The following RYR3 variants were observed in gnomAD, a reference collection of about 807,000 sequenced individuals.
RYR3 encodes the protein brain ryanodine receptor-calcium release channel.
Under a neutral mutation model 584.3 loss-of-function variants are expected in RYR3, and 207 were observed. The observed-to-expected ratio is 0.35, with a 90% CI of 0.32 to 0.40. The LOEUF (loss-of-function observed/expected upper bound fraction) is 0.40. RYR3 is among the 10% of genes least tolerant of loss of function. RYR3 has a pLI of 1.00. For synonymous variants in RYR3, 2,416 were observed against 2,248.5 expected (o/e 1.07, Z -2.11); for missense variants, 5,616 against 6,089.2 (o/e 0.92, Z 2.59).
In RYR3 at chr15:33,854,406, T is replaced by C. The variant is rs1377552182; in HGVS notation, c.13817T>C (p.Met4606Thr). 2 of 1,575,102 alleles carry C rather than the reference T, an allele frequency of 1.3e-6. No individual in the cohort carries two copies. Among genetic ancestry groups the C allele is most frequent in the Middle Eastern group, 1.7e-4 (1 of 6,018 alleles). Residue 4606 changes from methionine to threonine, a missense_variant, in exon 97 of 104, where the codon ATG becomes ACG. Around this residue, in one of 9 missense-constraint regions of RYR3, gnomAD observed 918 missense variants for 887.4 expected, o/e 1.03. Coordinates refer to ENST00000634891, the MANE Select transcript of RYR3 (RefSeq NM_001036.6). ...TTCTCTAGGCTAAGTTCCATAGACA[T>C]GAAGTACCATATCTGGAAGCTTGGA... ...SLVSWLSSID[M>T]KYHIWKLGVV... is the part of the protein sequence containing the mutation.
chr15:33,543,641 T>C lies in RYR3; in HGVS notation c.666T>C (p.His222=), dbSNP rs748965632. 6.2e-7 allele frequency: 1 copy of C among 1,609,952 alleles called. No individual in the cohort carries two copies. The highest frequency in any genetic ancestry group is 8.5e-7 in the Non-Finnish European group (1 of 1,176,316). ...SIEEGYLLGG[H]VVRLFHGHDE... Reference sequence around the variant, plus strand: ...TTACAGGATACCTACTTGGTGGGCATGTAGTACGTCTTTTCCATGGTCATG... The same window carrying C: ...TTACAGGATACCTACTTGGTGGGCACGTAGTACGTCTTTTCCATGGTCATG... Residue 222 remains histidine, a synonymous_variant, in exon 8 of 104, where the codon CAT becomes CAC. Coordinates refer to ENST00000634891, the MANE Select transcript of RYR3 (RefSeq NM_001036.6).
intron 11 of RYR3, among the ~76,000 whole-genome samples, chr15:33,563,867 A>T (rs564432271): frequency 6.6e-6 from 1 of 152,286 alleles, no homozygotes; most frequent in African/African-American, 2.4e-5. Context: ...GGGAAATGAA[A>T]TGATCAAGAG....
Position 33,845,006 on chromosome 15 carries a change from GCCATCATCCATA to G in RYR3, c.13450_13461del (p.His4484_Ile4487del). 1 of 1,613,970 alleles carries G rather than the reference GCCATCATCCATA, an allele frequency of 6.2e-7. No homozygotes were observed. Among genetic ancestry groups the G allele is most frequent in the Non-Finnish European group, 8.5e-7 (1 of 1,179,890 alleles). On this transcript the variant is annotated inframe_deletion, in exon 93 of 104. Coordinates refer to ENST00000634891, the MANE Select transcript of RYR3 (RefSeq NM_001036.6). ...TATGGCACCAACCCTGCGTGCCCTG[GCCATCATCCATA>G]CCATCATCTCTCTAGTCTGTGTGGT...
intron 69 of RYR3, among the ~76,000 whole-genome samples, chr15:33,806,543 T>A (rs1178474256): frequency 6.6e-6 from 1 of 151,518 alleles, no homozygotes; most frequent in Admixed American, 6.6e-5. Flanking sequence ...CACCACCAAA[T>A]TTTTAAAAGC....
intron 1 of RYR3, among the ~76,000 whole-genome samples, chr15:33,330,877 C>T (rs1970299668): frequency 6.6e-6 from 1 of 152,102 alleles, no homozygotes. Context: ...TCTTAAGCCA[C>T]CCATTTAGCA....
At position 33,460,940 on chromosome 15, in the gene RYR3, C is replaced by CTTTT. The variant is rs66742049; in HGVS notation, c.52-12460_52-12457dup. On this transcript the variant is annotated intron_variant, in intron 1 of 103. Coordinates refer to ENST00000634891, the MANE Select transcript of RYR3 (RefSeq NM_001036.6). ...GGAATTTGTGGCACATAATATCCAC[C>CTTTT]TTTTTTTTTTTTTTTTTTTTTTAAG... Among the ~76,000 whole-genome samples the CTTTT allele has an allele frequency of 3.2e-3, 252 of 79,194 alleles. 19 individuals carry two copies. Among genetic ancestry groups the CTTTT allele is most frequent in the African/African-American group, 0.012 (208 of 17,456 alleles). 52.0% of individuals were successfully genotyped at this position (79,194 alleles called of 152,430 possible). A position where few individuals can be genotyped will look rare whatever the true frequency, so the allele number is the denominator to read the frequency against.
chr15:33,760,682 T>G (rs140498401), intron 60 of RYR3, among the ~76,000 whole-genome samples: 3,491 of 151,892 alleles, frequency 0.023, 67 homozygotes, highest in East Asian at 0.086. Flanking sequence ...ACTGTCAATA[T>G]TAGATCAACG....
chr15:33,660,338 G>C lies in RYR3; in HGVS notation c.4537G>C (p.Glu1513Gln). 2 of 1,591,988 alleles carry C rather than the reference G, an allele frequency of 1.3e-6. No individual in the cohort carries two copies. Among genetic ancestry groups the C allele is most frequent in the Middle Eastern group, 3.3e-4 (2 of 6,042 alleles). ...MPNSFLKVET[E>Q]RVSERHGWVV... ...CAACAGCTTCCTGAAGGTGGAGACC[G>C]AGCGTGTGAGCGAGCGCCACGGCTG... Residue 1513 changes from glutamate to glutamine, a missense_variant, in exon 34 of 104, where the codon GAG becomes CAG. Glu to Gln is a conservative substitution (Grantham distance 29, BLOSUM62 2). This residue lies in a region of RYR3 where 753 missense variants were observed against 741.0 expected (regional missense o/e 1.02). Transcript: ENST00000634891.
chr15:33,693,303 G>C (rs952395), intron 38 of RYR3, among the ~76,000 whole-genome samples: 23,511 of 152,196 alleles, frequency 0.15, 2,298 homozygotes, highest in Admixed American at 0.31. Flanking sequence ...CCATGCCTGC[G>C]CCACCACTCC....
chr15:33,387,616 A>C (rs1473540645), intron 1 of RYR3, among the ~76,000 whole-genome samples: 1 of 152,056 alleles, frequency 6.6e-6, no homozygotes, highest in Non-Finnish European at 1.5e-5. Context: ...AAATCTGAAA[A>C]ATGAAGAAAA....
At chr15:33,417,726 T>A (rs2043920156) in intron 1 of RYR3, among the ~76,000 whole-genome samples, 2 of 152,194 alleles carry the variant, frequency 1.3e-5, no homozygotes, top group African/African-American at 4.8e-5. Flanking sequence ...CTATGTTGAA[T>A]AAGAGCAGTG....
Position 33,594,646 on chromosome 15 carries a change from T to G in RYR3, c.1789-6773T>G, listed in dbSNP as rs142272800. Among the ~76,000 whole-genome samples the G allele has an allele frequency of 7.2e-3, 1,094 of 152,282 alleles. 9 individuals carry two copies. Among genetic ancestry groups the G allele is most frequent in the African/African-American group, 0.025 (1,031 of 41,568 alleles). Reference sequence around the variant, plus strand: ...TTTCCTTTATTCCAATGTCACAATTTCCAAAGTTATCAGAAAACCTGCATT... The same window carrying G: ...TTTCCTTTATTCCAATGTCACAATTGCCAAAGTTATCAGAAAACCTGCATT... On this transcript the variant is annotated intron_variant, in intron 16 of 103. Transcript: ENST00000634891.
intron 1 of RYR3, among the ~76,000 whole-genome samples, chr15:33,465,332 G>A (rs2048395108): frequency 6.6e-6 from 1 of 151,850 alleles, no homozygotes; most frequent in Non-Finnish European, 1.5e-5. Flanking sequence ...TCATCATATG[G>A]CATTTATATA....
chr15:33,468,586 G>T (rs1020745337), intron 1 of RYR3, among the ~76,000 whole-genome samples: 1 of 152,164 alleles, frequency 6.6e-6, no homozygotes, highest in African/African-American at 2.4e-5. Context: ...TGTAATCCAA[G>T]TCCATATCCC....
intron 18 of RYR3, among the ~76,000 whole-genome samples, 160 bp from the exon 19 acceptor site, chr15:33,613,023 A>C (rs919636201): frequency 2.6e-5 from 4 of 152,224 alleles, no homozygotes; most frequent in African/African-American, 9.6e-5. Context: ...CTCACACAAA[A>C]GGAAACAAAA....
chr15:33,660,020 A>C (rs531465921), intron 33 of RYR3, among the ~76,000 whole-genome samples, 177 bp from the exon 34 acceptor site: 1 of 152,328 alleles, frequency 6.6e-6, no homozygotes, highest in South Asian at 2.1e-4. Context: ...TGAAAGAATC[A>C]ATTAATGCTC....
intron 97 of RYR3, 114 bp from the exon 98 acceptor site, chr15:33,854,652 C>A: frequency 7.3e-7 from 1 of 1,370,128 alleles, no homozygotes; most frequent in Non-Finnish European, 1.0e-6. Flanking sequence ...CACAGCACCT[C>A]AGCACCTAAA....
intron 19 of RYR3, among the ~76,000 whole-genome samples, chr15:33,622,993 G>C (rs753855620): frequency 1.3e-5 from 2 of 152,232 alleles, no homozygotes; most frequent in African/African-American, 4.8e-5. Context: ...AAAGACTTCT[G>C]CATGGTGGTA....
chr15:33,444,856 GTAAC>G (rs1336653405), intron 1 of RYR3, among the ~76,000 whole-genome samples: 1 of 151,756 alleles, frequency 6.6e-6, no homozygotes, highest in Non-Finnish European at 1.5e-5. Flanking sequence ...GTATACATAT[GTAAC>G]TAACCTGCAC....
Sources: gnomAD v4.1 joint callset for allele counts (sites outside exome capture counted in the v4.1 genomes callset) on GRCh38, gnomAD v4.1.1 for gene constraint, gnomAD v4.1.1 regional missense constraint, MANE v1.5 for transcripts, NCBI Gene and HGNC (gene_info 2026-07-23, HGNC 2026-07-21) for gene names.